The following FBXL13 variants were observed in gnomAD, a reference collection of about 807,000 sequenced individuals.
FBXL13 encodes the protein F-box and leucine-rich repeat protein 13.
In FBXL13, 67 loss-of-function variants were observed where a neutral mutation model predicts 83.6. The observed-to-expected ratio is 0.80, with a 90% CI of 0.66 to 0.98. The LOEUF (loss-of-function observed/expected upper bound fraction) is 0.98. Among genes scored for constraint, FBXL13 ranks in the 50% least tolerant of loss-of-function variants. The pLI, the probability that FBXL13 is intolerant of heterozygous loss-of-function variation, is 0.00. For synonymous variants in FBXL13, 272 were observed against 299.5 expected (o/e 0.91, Z 0.95); for missense variants, 822 against 866.5 (o/e 0.95, Z 0.64).
At chr7:102,944,814 A>G in intron 8 of FBXL13, 1 of 492,254 alleles carries the variant, frequency 2.0e-6, no homozygotes, top group South Asian at 3.7e-5. Context: ...GTGGAACAGC[A>G]TCTGGTGATA....
intron 16 of FBXL13, among the ~76,000 whole-genome samples, chr7:102,857,122 G>T (rs6465876): frequency 0.49 from 74,408 of 151,802 alleles, 20,848 homozygotes; most frequent in African/African-American, 0.78. Context: ...GACCTGAAAC[G>T]ATAGAGCTAT....
At chr7:102,941,553 C>CT (rs1821438759) in intron 8 of FBXL13, among the ~76,000 whole-genome samples, 1 of 152,172 alleles carries the variant, frequency 6.6e-6, no homozygotes, top group Non-Finnish European at 1.5e-5. Flanking sequence ...TGCAATTCCC[C>CT]TGTCTTGATA....
intron 6 of FBXL13, among the ~76,000 whole-genome samples, chr7:102,969,159 C>A (rs547915585): frequency 6.6e-6 from 1 of 152,320 alleles, no homozygotes; most frequent in East Asian, 1.9e-4. Context: ...AGAGCAACTT[C>A]TAGTCCTCCA....
At position 102,913,144 on chromosome 7, in the gene FBXL13, AG is replaced by A. The variant is rs778416974; in HGVS notation, c.949del (p.Leu317Ter). On this transcript the variant is annotated frameshift_variant, in exon 11 of 20. Transcript: ENST00000313221. LOFTEE classifies it high-confidence loss of function. ...CTTGTGGCATCCATTCCCCAAGTTCAGGTACTGTAAGCCTTTGTCTGTGAAC... is the reference window on the plus strand; with the variant it reads ...CTTGTGGCATCCATTCCCCAAGTTCAGTACTGTAAGCCTTTGTCTGTGAAC... The A allele has an allele frequency of 1.9e-6, 3 of 1,614,226 alleles. No individual in the cohort carries two copies. Among genetic ancestry groups the A allele is most frequent in the South Asian group, 1.1e-5 (1 of 91,084 alleles).
rs547996970 is a variant in FBXL13 at position 103,037,648 on chromosome 7, A to G, written c.1-8230T>C. 4.0e-5 allele frequency among the ~76,000 whole-genome samples: 6 copies of G among 151,548 alleles called. No individual in the cohort carries two copies. In the East Asian group the frequency reaches 1.2e-3, roughly 29 times the overall value. On this transcript the variant is annotated intron_variant, in intron 2 of 19. Coordinates refer to ENST00000313221, the Ensembl canonical transcript of FBXL13. ...AGTGAGACTCTGTCTGTACCAAAGG[A>G]AAAAAAAATTAGCCAGGTGTGGTAG... is the stretch of plus-strand genomic sequence containing the variant.
At chr7:102,845,119 A>C (rs1803700025) in intron 17 of FBXL13, among the ~76,000 whole-genome samples, 2 of 152,112 alleles carry the variant, frequency 1.3e-5, no homozygotes, top group African/African-American at 4.8e-5. Flanking sequence ...AGACACCATC[A>C]ATTATTAGCT....
intron 9 of FBXL13, among the ~76,000 whole-genome samples, chr7:102,930,051 T>G (rs554165011): frequency 6.6e-6 from 1 of 152,128 alleles, no homozygotes; most frequent in East Asian, 1.9e-4. Context: ...GGGTAGTCAT[T>G]TAGGCAGATG....
intron 8 of FBXL13, chr7:102,944,565 C>T: frequency 6.2e-7 from 1 of 1,612,078 alleles, no homozygotes; most frequent in Non-Finnish European, 8.5e-7. Context: ...ATAGAGATCA[C>T]ACCGCAAAGA....
chr7:102,929,400 G>A (rs560774566), intron 9 of FBXL13, among the ~76,000 whole-genome samples: 11 of 152,212 alleles, frequency 7.2e-5, no homozygotes, highest in Admixed American at 3.3e-4. Flanking sequence ...GGTGTCTCAC[G>A]CCTGTAATCC....
At chr7:102,883,679 C>T (rs1458564712) in exon 13 of FBXL13, 3 of 1,595,546 alleles carry the variant, frequency 1.9e-6, no homozygotes, top group Non-Finnish European at 2.6e-6. Context: ...CATTTTTCAA[C>T]TAAAGCCTTT....
intron 17 of FBXL13, among the ~76,000 whole-genome samples, chr7:102,843,647 G>A (rs1356466757): frequency 2.0e-5 from 3 of 151,724 alleles, no homozygotes; most frequent in East Asian, 1.9e-4. Context: ...ATGGTCGTGG[G>A]CACCTGTAAT....
intron 8 of FBXL13, among the ~76,000 whole-genome samples, chr7:102,936,507 T>G (rs905060078): frequency 6.6e-6 from 1 of 152,208 alleles, no homozygotes. Flanking sequence ...CCAGAGTGGG[T>G]AGAATTTCCC....
At chr7:103,017,559 G>A (rs1563224262) in intron 6 of FBXL13, among the ~76,000 whole-genome samples, 1 of 152,176 alleles carries the variant, frequency 6.6e-6, no homozygotes, top group Admixed American at 6.5e-5. Flanking sequence ...CCATCGTAAA[G>A]ACGCTAAAAA....
chr7:103,027,468 T>A (rs1162038115), exon 5 of FBXL13: 2 of 1,611,074 alleles, frequency 1.2e-6, no homozygotes, highest in Non-Finnish European at 8.5e-7. Flanking sequence ...TTCTTTCTTT[T>A]TACTCTTATG....
intron 6 of FBXL13, among the ~76,000 whole-genome samples, chr7:103,009,127 G>T (rs527786611): frequency 2.0e-4 from 31 of 152,198 alleles, no homozygotes; most frequent in East Asian, 5.8e-4. Flanking sequence ...AAAGATAGCT[G>T]CATGAGTGTA....
chr7:102,869,561 T>C lies in FBXL13; in HGVS notation c.1635+7906A>G, dbSNP rs578259743. Among the ~76,000 whole-genome samples the C allele has an allele frequency of 2.0e-5, 3 of 152,312 alleles. No individual in the cohort carries two copies. The East Asian group carries it at 5.8e-4, about 29-fold the overall frequency. On this transcript the variant is annotated intron_variant, in intron 16 of 19. Transcript: ENST00000313221. ...AAAAAAATCTTTGCCCAAACCAATG[T>C]CCTAAAGTGTTTCGTCTATTCTTTA... is the stretch of plus-strand genomic sequence containing the variant.
chr7:102,891,211 C>G (rs992936249), intron 11 of FBXL13, among the ~76,000 whole-genome samples: 10 of 152,280 alleles, frequency 6.6e-5, no homozygotes, highest in Non-Finnish European at 1.3e-4. Flanking sequence ...CTGCCAATCC[C>G]TCTTTAGATG....
chr7:102,914,980 A>G (rs2129469359), intron 10 of FBXL13, among the ~76,000 whole-genome samples: 1 of 152,286 alleles, frequency 6.6e-6, no homozygotes, highest in South Asian at 2.1e-4. Context: ...AGGAGTTGTG[A>G]GGCAGGCCGC....
chr7:102,939,634 T>C (rs1171501370), intron 8 of FBXL13: 1 of 1,514,012 alleles, frequency 6.6e-7, no homozygotes, highest in African/African-American at 1.4e-5. Flanking sequence ...TGTTCTGTGA[T>C]TTTTTTCTAT....
Sources: gnomAD v4.1 joint callset for allele counts (sites outside exome capture counted in the v4.1 genomes callset) on GRCh38, gnomAD v4.1.1 for gene constraint, MANE v1.5 for transcripts, NCBI Gene and HGNC (gene_info 2026-07-23, HGNC 2026-07-21) for gene names.